PDIA2: variants seen among roughly 807,000 people sequenced by gnomAD.
PDIA2 encodes protein disulfide-isomerase A2.
A neutral mutation model predicts 51.1 loss-of-function variants in PDIA2; 76 were observed. The observed-to-expected ratio is 1.49, with a 90% CI of 1.24 to 1.80. The LOEUF is 1.80. Among genes scored for constraint, PDIA2 ranks in the 40% most tolerant of loss-of-function variants. The pLI, the probability that PDIA2 is intolerant of heterozygous loss-of-function variation, is 0.00. For missense variants in PDIA2, 946 were observed against 706.5 expected (o/e 1.34, Z -3.84); for synonymous variants, 429 against 309.9 (o/e 1.38, Z -4.04).
chr16:285,891 A>AAC, intron 7 of PDIA2, among the ~76,000 whole-genome samples, 188 bp downstream of exon 7: 1 of 65,914 alleles, frequency 1.5e-5, no homozygotes, highest in African/African-American at 9.0e-5. Flanking sequence ...CCAACCCCAA[A>AAC]CCCGCGGTTC....
rs749460401 is a variant in PDIA2, at chr16:285,563, G to C, written c.979G>C (p.Gly327Arg). ...CAATGAGCACGTGCTGCAGTACTTTGGACTCAAGGCTGAGGCAGCCCCCAC... is the reference window on the plus strand; with the variant it reads ...CAATGAGCACGTGCTGCAGTACTTTCGACTCAAGGCTGAGGCAGCCCCCAC... ...ADNEHVLQYF[G>R]LKAEAAPTLR... Residue 327 changes from glycine to arginine, a missense_variant, in exon 7 of 11, where the codon GGA becomes CGA. Physicochemically the swap from Gly to Arg is moderately radical, Grantham distance 125. Coordinates refer to ENST00000219406, the MANE Select transcript of PDIA2 (RefSeq NM_006849.4). 1.7e-5 allele frequency: 27 copies of C among 1,613,028 alleles called. 1 individual carries two copies. In the South Asian group the frequency reaches 2.7e-4, roughly 16 times the overall value.
rs1243714824 is a variant in PDIA2, at chr16:285,517, G to T, written c.933G>T (p.Val311=). Residue 311 remains valine (V), a synonymous_variant, in exon 7 of 11, where the codon GTG becomes GTT. Coordinates refer to ENST00000219406, the MANE Select transcript of PDIA2 (RefSeq NM_006849.4). The part of the protein sequence containing the change: ...APRFRGQVLF[V]VVDVAADNEH... Reference sequence around the variant, plus strand: ...ACTCCCTGCCACAGGTGCTGTTCGTGGTGGTGGACGTGGCGGCCGACAATG... The same window carrying T: ...ACTCCCTGCCACAGGTGCTGTTCGTTGTGGTGGACGTGGCGGCCGACAATG... 6.2e-7 allele frequency: 1 copy of T among 1,612,988 alleles called. No individual in the cohort carries two copies. The highest frequency in any genetic ancestry group is 8.5e-7 in the Non-Finnish European group (1 of 1,179,950).
At position 285,158 on chromosome 16, in the gene PDIA2, G is replaced by A. The variant is rs749704202; in HGVS notation, c.753G>A (p.Leu251=). Residue 251 remains leucine (L), a synonymous_variant, in exon 5 of 11, where the codon CTG becomes CTA. Transcript: ENST00000219406. The part of the protein sequence containing the change: ...GLDLGDLSRF[L]VTHSMRLVTE... ...ACCTGGGGGATCTGTCGCGCTTCCT[G>A]GTCACACACAGCATGCGCCTGGTCA... 1.7e-5 allele frequency: 27 copies of A among 1,613,104 alleles called. No individual in the cohort carries two copies. The highest frequency in any genetic ancestry group is 1.6e-4 in the Middle Eastern group (1 of 6,062).
intron 1 of PDIA2, among the ~76,000 whole-genome samples, chr16:283,697 G>A (rs45452991): frequency 0.014 from 2,152 of 152,298 alleles, 58 homozygotes; most frequent in African/African-American, 0.049. Flanking sequence ...GCAGAGGCTC[G>A]GGCAGTATCC....
chr16:286,370 G>T lies in PDIA2; in HGVS notation c.1137G>T (p.Gln379His). Residue 379 changes from glutamine (Q) to histidine (H), a missense_variant, in exon 8 of 11, where the codon CAG becomes CAT. By Grantham distance (24) the Gln-to-His change is conservative. Transcript: ENST00000219406. ...TCCCCCAGCCCTATCTCCTGAGCCA[G>T]GAGATACCCCCTGATTGGGATCAGC... ...NGQVKPYLLS[Q>H]EIPPDWDQRP... 6.3e-7 allele frequency: 1 copy of T among 1,595,902 alleles called. No homozygotes were observed. Among genetic ancestry groups the T allele is most frequent in the Non-Finnish European group, 8.5e-7 (1 of 1,171,064 alleles).
chr16:284,183 G>A lies in PDIA2; in HGVS notation c.200-204G>A, dbSNP rs1040764775. On this transcript the variant is annotated intron_variant, in intron 1 of 10. Transcript: ENST00000219406. ...GAGCCTGGCTGTGGGGGGAGGGGGG[G>A]TGGTCTTTCAAGCTCTCCCAAGCCT... The A allele has an allele frequency of 1.1e-4, 68 of 611,212 alleles. 1 individual carries two copies. In the South Asian group the frequency reaches 1.2e-3, roughly 11 times the overall value. 37.9% of individuals were successfully genotyped at this position (611,212 alleles called of 1,614,324 possible).
At position 283,254 on chromosome 16, in the gene PDIA2, C is replaced by A; in HGVS notation, c.85C>A (p.Pro29Thr). Residue 29 changes from proline (P) to threonine (T), a missense_variant, in exon 1 of 11, where the codon CCC (proline) becomes ACC (threonine). Physicochemically the swap from Pro to Thr is conservative, Grantham distance 38. Transcript: ENST00000219406. ...PWGQEQGARS[P>T]SEEPPEEEIP... is the part of the protein sequence containing the mutation. Reference sequence around the variant, plus strand: ...GGGTCAGGAACAGGGAGCGAGGAGCCCCTCGGAGGAGCCTCCAGAGGAGGA... The same window carrying A: ...GGGTCAGGAACAGGGAGCGAGGAGCACCTCGGAGGAGCCTCCAGAGGAGGA... The A allele has an allele frequency of 6.2e-7, 1 of 1,610,736 alleles. No homozygotes were observed. Among genetic ancestry groups the A allele is most frequent in the Non-Finnish European group, 8.5e-7 (1 of 1,179,060 alleles).
Position 287,185 on chromosome 16 carries a change from A to C in PDIA2, c.*72A>C. 2 of 1,583,886 alleles carry C rather than the reference A, an allele frequency of 1.3e-6. No individual in the cohort carries two copies. The highest frequency in any genetic ancestry group is 1.7e-6 in the Non-Finnish European group (2 of 1,155,550). On this transcript the variant is annotated 3_prime_UTR_variant, in exon 11 of 11. Coordinates refer to ENST00000219406, the MANE Select transcript of PDIA2 (RefSeq NM_006849.4). Reference sequence around the variant, plus strand: ...CCTTGGGTACCAGAGGGAGCTGTGCATTGTGAATAAAGAGTGAGCTTGGTT... The same window carrying C: ...CCTTGGGTACCAGAGGGAGCTGTGCCTTGTGAATAAAGAGTGAGCTTGGTT...
In PDIA2 at chr16:284,389, GC is replaced by G. The variant is rs2052325292; in HGVS notation, c.206del (p.Pro69ArgfsTer46). The G allele has an allele frequency of 1.9e-6, 3 of 1,553,720 alleles. No individual in the cohort carries two copies. Among genetic ancestry groups the G allele is most frequent in the Non-Finnish European group, 1.7e-6 (2 of 1,155,660 alleles). On this transcript the variant is annotated frameshift_variant, in exon 2 of 11. Coordinates refer to ENST00000219406, the MANE Select transcript of PDIA2 (RefSeq NM_006849.4). LOFTEE classifies it high-confidence loss of function. ...GCACTCACGGCCCCATCCCCCAGATGCCCCGTGGTGTGGGCACTGCCAGGCC... is the reference window on the plus strand; with the variant it reads ...GCACTCACGGCCCCATCCCCCAGATGCCCGTGGTGTGGGCACTGCCAGGCC... ...EHPALLVEFY[A>X]PWCGHCQALA...
intron 1 of PDIA2, chr16:284,117 C>A: frequency 1.9e-6 from 1 of 539,530 alleles, no homozygotes; most frequent in Non-Finnish European, 3.4e-6. Context: ...ATATGCCCGC[C>A]TCTGCCTCCC....
chr16:284,801 C>T lies in PDIA2; in HGVS notation c.540+9C>T. 1 of 1,580,900 alleles carries T rather than the reference C, an allele frequency of 6.3e-7. No homozygotes were observed. Among genetic ancestry groups the T allele is most frequent in the Non-Finnish European group, 8.6e-7 (1 of 1,165,850 alleles). On this transcript the variant is annotated intron_variant, in intron 3 of 10. Coordinates refer to ENST00000219406, the MANE Select transcript of PDIA2 (RefSeq NM_006849.4). ...TCATTGGCTTCTTCCAGGTGAGCCA[C>T]TGGGCATGGGGGGCCGGGCCATGAG...
chr16:283,929 A>G (rs1271943839), intron 1 of PDIA2, among the ~76,000 whole-genome samples: 1 of 152,158 alleles, frequency 6.6e-6, no homozygotes, highest in East Asian at 1.9e-4. Context: ...CAGTGGCCCT[A>G]TCTCGGCTCA....
At chr16:285,245 G>A (rs1435423371) in intron 5 of PDIA2, 45 bp downstream of exon 5, 1 of 1,612,696 alleles carries the variant, frequency 6.2e-7, no homozygotes, top group Admixed American at 1.7e-5. Flanking sequence ...CCAGGGTAGA[G>A]TCGTCCAGGG....
chr16:285,446 G>A lies in PDIA2; in HGVS notation c.921+9G>A, dbSNP rs750021748. On this transcript the variant is annotated intron_variant, in intron 6 of 10. Transcript: ENST00000219406. Reference sequence around the variant, plus strand: ...CCCGCTTCCGGGGGCAGGTACTGGGGGGCTGGGGGAAAGGGGCAGCGGGAG... The same window carrying A: ...CCCGCTTCCGGGGGCAGGTACTGGGAGGCTGGGGGAAAGGGGCAGCGGGAG... 5 of 1,611,436 alleles carry A rather than the reference G, an allele frequency of 3.1e-6. No individual in the cohort carries two copies. The highest frequency in any genetic ancestry group is 2.7e-5 in the African/African-American group (2 of 74,984).
Position 286,917 on chromosome 16 carries a change from C to G in PDIA2, c.1505C>G (p.Pro502Arg). 1 of 1,600,040 alleles carries G rather than the reference C, an allele frequency of 6.2e-7. No individual in the cohort carries two copies. The highest frequency in any genetic ancestry group is 8.5e-7 in the Non-Finnish European group (1 of 1,175,084). Residue 502 changes from proline to arginine, a missense_variant, in exon 10 of 11, where the codon CCC becomes CGC. Pro to Arg is a moderately radical substitution (Grantham distance 103). Coordinates refer to ENST00000219406, the MANE Select transcript of PDIA2 (RefSeq NM_006849.4). ...GGGGGCGTGCTGCCCACGGAGGAGCCCCCGGAGGAGCCAGCAGCCCCGTTC... is the reference window on the plus strand; with the variant it reads ...GGGGGCGTGCTGCCCACGGAGGAGCGCCCGGAGGAGCCAGCAGCCCCGTTC... ...DNGGVLPTEE[P>R]PEEPAAPFPE...
At position 283,301 on chromosome 16, in the gene PDIA2, C is replaced by T; in HGVS notation, c.132C>T (p.Ile44=). 1.9e-6 allele frequency: 3 copies of T among 1,611,062 alleles called. No homozygotes were observed. The highest frequency in any genetic ancestry group is 2.5e-6 in the Non-Finnish European group (3 of 1,179,226). Residue 44 remains isoleucine, a synonymous_variant, in exon 1 of 11, where the codon ATC becomes ATT. Transcript: ENST00000219406. ...PEEEIPKEDG[I]LVLSRHTLGL... ...AGGAAATCCCCAAGGAGGATGGGAT[C>T]TTGGTGCTGAGCCGCCACACCCTGG...
At position 286,409 on chromosome 16, in the gene PDIA2, C is replaced by T. The variant is rs1157539609; in HGVS notation, c.1176C>T (p.Thr392=). ...PPDWDQRPVK[T]LVGKNFEQVA... Reference sequence around the variant, plus strand: ...ATTGGGATCAGCGGCCAGTTAAGACCCTCGTGGGCAAGAATTTTGAGCAGG... The same window carrying T: ...ATTGGGATCAGCGGCCAGTTAAGACTCTCGTGGGCAAGAATTTTGAGCAGG... The change falls in exon 8 of 11, where the codon ACC becomes ACT. Residue 392 remains threonine, a synonymous_variant. Coordinates refer to ENST00000219406, the MANE Select transcript of PDIA2 (RefSeq NM_006849.4). 6 of 1,612,182 alleles carry T rather than the reference C, an allele frequency of 3.7e-6. No homozygotes were observed. In the South Asian group the frequency reaches 4.4e-5, roughly 12 times the overall value.
intron 10 of PDIA2, 49 bp from the exon 11 acceptor site, chr16:287,018 CAG>C (rs1491344861): frequency 1.4e-5 from 23 of 1,612,248 alleles, no homozygotes; most frequent in Non-Finnish European, 1.9e-5. Context: ...GGGGCGGGGG[CAG>C]GGGTAGGCTG....
chr16:287,142 G>A lies in PDIA2; in HGVS notation c.*29G>A, dbSNP rs1241157872. The A allele has an allele frequency of 1.2e-6, 2 of 1,611,862 alleles. No individual in the cohort carries two copies. The highest frequency in any genetic ancestry group is 1.7e-6 in the Non-Finnish European group (2 of 1,179,330). On this transcript the variant is annotated 3_prime_UTR_variant, in exon 11 of 11. Transcript: ENST00000219406. ...CCCCCGTGTCACCCCCGCCATCACT[G>A]CTGGACAGGAGCCACCCCCTTGGGT... is the stretch of plus-strand genomic sequence containing the variant.
Sources: allele counts gnomAD v4.1 joint callset (sites outside exome capture counted in the v4.1 genomes callset), GRCh38; gene constraint gnomAD v4.1.1; transcripts MANE v1.5; gene names NCBI Gene and HGNC (gene_info 2026-07-23, HGNC 2026-07-21).